Variants in PEX7 observed in about 807,000 individuals in gnomAD.
PEX7 encodes the protein peroxisomal biogenesis factor 7, also known as PTS2 receptor.
Under a neutral mutation model 47.5 loss-of-function variants are expected in PEX7, and 34 were observed. That is an observed-to-expected ratio of 0.72 (90% CI 0.54 to 0.95). The LOEUF is 0.95. Ranked by LOEUF, PEX7 falls within the 40% of genes least tolerant of loss-of-function variation. The probability of loss-of-function intolerance (pLI) is 0.00; values close to 1 mark genes in which losing one functional copy is unlikely to be tolerated. For synonymous variants in PEX7, 141 were observed against 148.8 expected (o/e 0.95, Z 0.38); for missense variants, 394 against 400.3 (o/e 0.98, Z 0.13).
At chr6:136,855,537 G>A (rs1293982567) in intron 5 of PEX7, among the ~76,000 whole-genome samples, 1 of 151,970 alleles carries the variant, frequency 6.6e-6, no homozygotes, top group Non-Finnish European at 1.5e-5. Flanking sequence ...CCGGGCTTTC[G>A]CCTTGTTGGC....
chr6:136,862,808 G>T (rs760230136), intron 5 of PEX7, among the ~76,000 whole-genome samples: 2 of 152,156 alleles, frequency 1.3e-5, no homozygotes, highest in South Asian at 4.1e-4. Flanking sequence ...AGGTACTGTG[G>T]TTGGTCTTGC....
chr6:136,826,203 C>T lies in PEX7; in HGVS notation c.189-116C>T, dbSNP rs559184360. On this transcript the variant is annotated intron_variant, in intron 2 of 9. Coordinates refer to ENST00000318471, the MANE Select transcript of PEX7 (RefSeq NM_000288.4). ...AGTTGTGCAGATTACATGAGATATA[C>T]GTGTTAAAATGTGTGATAAATTGAA... 1.6e-4 allele frequency: 170 copies of T among 1,090,760 alleles called. 1 individual carries two copies. Among genetic ancestry groups the T allele is most frequent in the African/African-American group, 1.1e-3 (70 of 64,826 alleles). 67.6% of individuals were successfully genotyped at this position (1,090,760 alleles called of 1,614,324 possible). A position where few individuals can be genotyped will look rare whatever the true frequency, so the allele number is the denominator to read the frequency against.
Position 136,900,008 on chromosome 6 carries a change from A to G in PEX7, c.903+1767A>G, listed in dbSNP as rs187064644. ...AGGATCCTAAGTAAATATTCATTCAATCCTCATCCTTATATATTTCTATTA... is the reference window on the plus strand; with the variant it reads ...AGGATCCTAAGTAAATATTCATTCAGTCCTCATCCTTATATATTTCTATTA... On this transcript the variant is annotated intron_variant, in intron 9 of 9. Transcript: ENST00000318471. The surrounding 1 kb of genome is among the most constrained non-coding windows in gnomAD (Gnocchi z 4.2). Among the ~76,000 whole-genome samples, 36 of 152,316 alleles carry G rather than the reference A, an allele frequency of 2.4e-4. 1 individual carries two copies. The East Asian group carries it at 3.1e-3, about 13-fold the overall frequency.
chr6:136,828,200 G>C (rs1054503221), intron 3 of PEX7, among the ~76,000 whole-genome samples: 1 of 152,076 alleles, frequency 6.6e-6, no homozygotes, highest in Admixed American at 6.5e-5. Flanking sequence ...GGGGTTGATG[G>C]CTACTTTAGT....
At chr6:136,842,896 C>T (rs1460913849) in intron 3 of PEX7, among the ~76,000 whole-genome samples, 4 of 152,176 alleles carry the variant, frequency 2.6e-5, no homozygotes, top group East Asian at 1.9e-4. Context: ...TAATGGGGCA[C>T]GTCTTGATGG....
intron 3 of PEX7, among the ~76,000 whole-genome samples, chr6:136,844,681 C>G (rs1774562694): frequency 1.3e-5 from 2 of 152,170 alleles, no homozygotes; most frequent in Non-Finnish European, 2.9e-5. Flanking sequence ...CTGGCAAACA[C>G]TACTCTACTG....
At chr6:136,840,821 C>T (rs956602504) in intron 3 of PEX7, among the ~76,000 whole-genome samples, 1 of 152,196 alleles carries the variant, frequency 6.6e-6, no homozygotes, top group Non-Finnish European at 1.5e-5. Context: ...TCCCTGTTCT[C>T]TGTAACCTGA....
intron 7 of PEX7, chr6:136,870,687 C>T (rs13204996): frequency 8.2e-6 from 3 of 367,404 alleles, no homozygotes; most frequent in African/African-American, 2.2e-5. Context: ...TTATGTTATT[C>T]CTACTATTTA....
chr6:136,883,800 G>A (rs1775420699), intron 8 of PEX7, among the ~76,000 whole-genome samples: 1 of 152,068 alleles, frequency 6.6e-6, no homozygotes, highest in African/African-American at 2.4e-5. Flanking sequence ...TCAGTTAATG[G>A]GAAACTTATC....
chr6:136,846,109 A>C lies in PEX7; in HGVS notation c.454A>C (p.Arg152=). 1 of 1,613,462 alleles carries C rather than the reference A, an allele frequency of 6.2e-7. No homozygotes were observed. The highest frequency in any genetic ancestry group is 8.5e-7 in the Non-Finnish European group (1 of 1,179,492). Residue 152 remains arginine (R), a synonymous_variant, in exon 5 of 10, where the codon AGA becomes CGA. Coordinates refer to ENST00000318471, the MANE Select transcript of PEX7 (RefSeq NM_000288.4). ...PTVGKSLCTF[R]GHESIIYSTI... Reference sequence around the variant, plus strand: ...TGTTGGAAAGTCTCTGTGCACCTTTAGAGGCCATGAAAGTATTATTTATAG... The same window carrying C: ...TGTTGGAAAGTCTCTGTGCACCTTTCGAGGCCATGAAAGTATTATTTATAG...
chr6:136,835,026 G>A (rs765480540), intron 3 of PEX7, among the ~76,000 whole-genome samples: 2 of 150,002 alleles, frequency 1.3e-5, no homozygotes, highest in African/African-American at 2.5e-5. Context: ...TGCAACCTCC[G>A]CCTCCCAGGT....
intron 3 of PEX7, among the ~76,000 whole-genome samples, chr6:136,835,248 T>A (rs1354972931): frequency 6.6e-6 from 1 of 151,840 alleles, no homozygotes; most frequent in East Asian, 1.9e-4. Context: ...TCTTAAACTT[T>A]GCAGCAGATT....
At chr6:136,876,770 G>T (rs1415618457) in intron 8 of PEX7, among the ~76,000 whole-genome samples, 1 of 152,124 alleles carries the variant, frequency 6.6e-6, no homozygotes, top group Non-Finnish European at 1.5e-5. Flanking sequence ...CCAAGTCTTT[G>T]CTATTGTGAA....
At chr6:136,882,228 A>G (rs1305466689) in intron 8 of PEX7, among the ~76,000 whole-genome samples, 1 of 127,884 alleles carries the variant, frequency 7.8e-6, no homozygotes, top group Non-Finnish European at 1.6e-5. Flanking sequence ...CCCAGGCTGC[A>G]GTGCAGTTGT....
intron 8 of PEX7, among the ~76,000 whole-genome samples, chr6:136,883,823 A>G (rs769193994): frequency 6.6e-6 from 1 of 152,210 alleles, no homozygotes; most frequent in African/African-American, 2.4e-5. Flanking sequence ...TATTCAAACA[A>G]GCCAAAAACC....
At chr6:136,873,112 T>C (rs1775210358) in intron 8 of PEX7, among the ~76,000 whole-genome samples, 1 of 152,156 alleles carries the variant, frequency 6.6e-6, no homozygotes, top group South Asian at 2.1e-4. Flanking sequence ...TGATTTTGTC[T>C]AGGCAAAACA....
chr6:136,841,087 TC>T (rs1774489125), intron 3 of PEX7, among the ~76,000 whole-genome samples: 1 of 152,122 alleles, frequency 6.6e-6, no homozygotes, highest in African/African-American at 2.4e-5. Flanking sequence ...TAACCTCCTT[TC>T]CCCCCGTGCC....
intron 8 of PEX7, among the ~76,000 whole-genome samples, chr6:136,886,113 G>A (rs1398895217): frequency 6.6e-6 from 1 of 152,152 alleles, no homozygotes; most frequent in Admixed American, 6.5e-5. Flanking sequence ...TCAAGAGTGA[G>A]GTAATTTTAT....
At chr6:136,837,196 TA>T (rs1017660889) in intron 3 of PEX7, among the ~76,000 whole-genome samples, 9 of 151,636 alleles carry the variant, frequency 5.9e-5, no homozygotes, top group Non-Finnish European at 1.3e-4. Flanking sequence ...CTGTATCTAC[TA>T]AAAAATATTT....
Sources: allele counts gnomAD v4.1 joint callset (sites outside exome capture counted in the v4.1 genomes callset), GRCh38; gene constraint gnomAD v4.1.1; non-coding constraint Gnocchi (gnomAD v3.1); transcripts MANE v1.5; gene names NCBI Gene and HGNC (gene_info 2026-07-23, HGNC 2026-07-21).